The following RUNDC3B variants were observed in gnomAD, a reference collection of about 807,000 sequenced individuals.
The protein encoded by RUNDC3B is RUN domain containing 3B, also known as RUN domain-containing protein 3B.
A neutral mutation model predicts 58.4 loss-of-function variants in RUNDC3B; 33 were observed. The observed-to-expected ratio is 0.56, with a 90% CI of 0.43 to 0.75. The LOEUF (loss-of-function observed/expected upper bound fraction) is 0.75, where lower values mean the gene tolerates loss of function less well. Ranked by LOEUF, RUNDC3B falls within the 30% of genes least tolerant of loss-of-function variation. The probability of loss-of-function intolerance (pLI) is 0.00; values close to 1 mark genes in which losing one functional copy is unlikely to be tolerated. For synonymous variants in RUNDC3B, 193 were observed against 195.2 expected, an observed-to-expected ratio of 0.99 and a Z score of 0.10; for missense variants, 501 against 535.7, an observed-to-expected ratio of 0.94 and a Z score of 0.64.
chr7:87,765,399 T>C (rs1833923562), intron 6 of RUNDC3B, among the ~76,000 whole-genome samples: 1 of 152,086 alleles, frequency 6.6e-6, no homozygotes, highest in African/African-American at 2.4e-5. Flanking sequence ...GGTTGCTAAT[T>C]TGAGATCTTT....
chr7:87,649,524 G>A (rs1454847467), intron 1 of RUNDC3B, among the ~76,000 whole-genome samples: 1 of 152,172 alleles, frequency 6.6e-6, no homozygotes, highest in Non-Finnish European at 1.5e-5. Flanking sequence ...GAATATGCAG[G>A]TGGATAATTC....
chr7:87,750,629 G>T (rs1169539294), intron 6 of RUNDC3B, among the ~76,000 whole-genome samples: 2 of 151,860 alleles, frequency 1.3e-5, no homozygotes, highest in African/African-American at 4.8e-5. Flanking sequence ...CTGATGGCCA[G>T]TGATGGTGAG....
chr7:87,727,100 C>T (rs995008210), intron 4 of RUNDC3B, among the ~76,000 whole-genome samples: 2 of 152,006 alleles, frequency 1.3e-5, no homozygotes, highest in Non-Finnish European at 2.9e-5. Context: ...GCCTGATTGC[C>T]CTGGCCAGAA....
intron 6 of RUNDC3B, among the ~76,000 whole-genome samples, chr7:87,752,812 C>T (rs1833100503): frequency 6.6e-6 from 1 of 150,524 alleles, no homozygotes; most frequent in Admixed American, 6.6e-5. Flanking sequence ...TTTGTTGATC[C>T]TTTCAAAAAA....
intron 2 of RUNDC3B, among the ~76,000 whole-genome samples, chr7:87,659,724 T>C (rs773173248): frequency 6.6e-5 from 10 of 152,188 alleles, no homozygotes; most frequent in Non-Finnish European, 1.5e-4. Flanking sequence ...CTTACTGCTG[T>C]GTCATTCTCT....
At chr7:87,678,983 C>T (rs2130574269) in intron 2 of RUNDC3B, among the ~76,000 whole-genome samples, 1 of 151,724 alleles carries the variant, frequency 6.6e-6, no homozygotes, top group Non-Finnish European at 1.5e-5. Flanking sequence ...TTAGCAATGT[C>T]AACACTCCTC....
At chr7:87,652,758 A>G (rs1563105208) in intron 2 of RUNDC3B, among the ~76,000 whole-genome samples, 1 of 151,460 alleles carries the variant, frequency 6.6e-6, no homozygotes, top group Non-Finnish European at 1.5e-5. Flanking sequence ...TATATAGCAA[A>G]TTGCTTTTAC....
intron 6 of RUNDC3B, among the ~76,000 whole-genome samples, chr7:87,752,618 T>C (rs367824337): frequency 1.3e-5 from 2 of 152,154 alleles, no homozygotes; most frequent in African/African-American, 4.8e-5. Context: ...GTGTATGTGT[T>C]GAGGAATTTA....
intron 10 of RUNDC3B, among the ~76,000 whole-genome samples, chr7:87,825,526 G>A (rs1837755972): frequency 6.6e-6 from 1 of 152,196 alleles, no homozygotes; most frequent in Non-Finnish European, 1.5e-5. Flanking sequence ...GAAGGGAAAT[G>A]TGGGGTCAGA....
chr7:87,689,984 T>G (rs897531897), intron 2 of RUNDC3B, among the ~76,000 whole-genome samples: 12 of 152,056 alleles, frequency 7.9e-5, no homozygotes, highest in African/African-American at 2.7e-4. Flanking sequence ...TGTCATAGAT[T>G]TTTTTTTAAA....
At chr7:87,792,495 T>A (rs926457771) in intron 8 of RUNDC3B, among the ~76,000 whole-genome samples, 3 of 152,000 alleles carry the variant, frequency 2.0e-5, no homozygotes, top group African/African-American at 7.2e-5. Flanking sequence ...TTCAAAAAAA[T>A]TGAAATAATA....
At chr7:87,703,885 C>CTTTTTTTTTTTTTTTTT in intron 3 of RUNDC3B, among the ~76,000 whole-genome samples, 41 of 60,258 alleles carry the variant, frequency 6.8e-4, no homozygotes, top group African/African-American at 9.4e-4. Flanking sequence ...TCAGTTTTTT[C>CTTTTTTTTTTTTTTTTT]TTTTTTTTTT....
chr7:87,705,978 C>T (rs1398829279), intron 3 of RUNDC3B, among the ~76,000 whole-genome samples: 1 of 152,038 alleles, frequency 6.6e-6, no homozygotes, highest in Non-Finnish European at 1.5e-5. Context: ...TGAGTTCTTC[C>T]TGTCTTCTTG....
At position 87,637,009 on chromosome 7, in the gene RUNDC3B, A is replaced by C. The variant is rs1218288665; in HGVS notation, c.122+8064A>C. Among the ~76,000 whole-genome samples the C allele has an allele frequency of 3.3e-5, 5 of 152,192 alleles. No homozygotes were observed. In the East Asian group the frequency reaches 9.6e-4, roughly 29 times the overall value. The stretch of plus-strand genomic sequence containing the variant: ...AACATGAGAACCAAGCAAAGGGGGA[A>C]GCCCCTTATAAAACCATCAGCTCTC... On this transcript the variant is annotated intron_variant, in intron 1 of 10. Coordinates refer to ENST00000394654, the MANE Select transcript of RUNDC3B (RefSeq NM_001134405.2).
At chr7:87,786,948 G>A (rs1343889566) in intron 8 of RUNDC3B, among the ~76,000 whole-genome samples, 3 of 152,060 alleles carry the variant, frequency 2.0e-5, no homozygotes, top group Non-Finnish European at 2.9e-5. Context: ...TATTACTGGA[G>A]CAACAAAATA....
chr7:87,748,422 G>C (rs1399532247), intron 6 of RUNDC3B, among the ~76,000 whole-genome samples: 1 of 152,096 alleles, frequency 6.6e-6, no homozygotes, highest in Non-Finnish European at 1.5e-5. Flanking sequence ...TCTTACAGTC[G>C]ATCTGGAGCT....
At chr7:87,647,012 A>G (rs1355637566) in intron 1 of RUNDC3B, among the ~76,000 whole-genome samples, 15 of 152,214 alleles carry the variant, frequency 9.9e-5, no homozygotes, top group Middle Eastern at 3.2e-3. Flanking sequence ...GTAGTTGAAC[A>G]TTAATCTATC....
At chr7:87,803,768 T>G (rs1836293874) in intron 8 of RUNDC3B, among the ~76,000 whole-genome samples, 1 of 152,170 alleles carries the variant, frequency 6.6e-6, no homozygotes, top group Admixed American at 6.5e-5. Context: ...TTTTTTCGAT[T>G]GTCATGAAAA....
At chr7:87,732,911 A>G (rs1382021190) in intron 4 of RUNDC3B, among the ~76,000 whole-genome samples, 1 of 152,218 alleles carries the variant, frequency 6.6e-6, no homozygotes, top group Non-Finnish European at 1.5e-5. Context: ...TTAAAACAGA[A>G]ACACAATCTT....
Sources: allele counts gnomAD v4.1 joint callset (sites outside exome capture counted in the v4.1 genomes callset), GRCh38; gene constraint gnomAD v4.1.1; transcripts MANE v1.5; gene names NCBI Gene and HGNC (gene_info 2026-07-23, HGNC 2026-07-21).